Variants in MIAT observed in about 807,000 individuals in gnomAD.
The protein encoded by MIAT is myocardial infarction associated transcript, also known as MI related novel mRNA.
exon 5 of MIAT, chr22:26,675,419 T>C (rs148767977): frequency 8.8e-5 from 35 of 398,572 alleles, no homozygotes; most frequent in African/African-American, 6.8e-4. Context: ...AGGGAGTTAG[T>C]GGATTTGAGT....
exon 5 of MIAT, chr22:26,674,736 A>G (rs1931197327): frequency 5.0e-6 from 2 of 398,654 alleles, no homozygotes; most frequent in Admixed American, 8.8e-5. Context: ...CCTGCCTGCC[A>G]TCCTCTAGTG....
intron 2 of MIAT, among the ~76,000 whole-genome samples, chr22:26,649,882 C>T (rs944060571): frequency 6.6e-6 from 1 of 152,154 alleles, no homozygotes; most frequent in African/African-American, 2.4e-5. Flanking sequence ...CACTGCATTC[C>T]AGCCTGGCAA....
rs575098828 is a variant in MIAT, at chr22:26,668,971, T to C, written n.3076T>C. 7.5e-6 allele frequency: 3 copies of C among 398,664 alleles called. No individual in the cohort carries two copies. In the East Asian group the frequency reaches 1.1e-4, roughly 14 times the overall value. The allele number at this position is 398,664 out of a possible 1,614,324, so 24.7% of individuals were successfully genotyped here. On this transcript the variant is annotated non_coding_transcript_exon_variant, in exon 6 of 6. Coordinates refer to ENST00000643270, the Ensembl canonical transcript of MIAT. ...GAGACAGGTGGCCCTGGGTTTTTTT[T>C]CCTGCCATCCAAAGGGAACCAGTCT...
intron 2 of MIAT, among the ~76,000 whole-genome samples, chr22:26,652,495 T>C (rs1233787525): frequency 6.6e-6 from 1 of 152,074 alleles, no homozygotes; most frequent in Non-Finnish European, 1.5e-5. Flanking sequence ...GTAGCTGGGA[T>C]TACAGGCGCC....
intron 2 of MIAT, chr22:26,663,284 C>T: frequency 2.5e-6 from 1 of 398,620 alleles, no homozygotes; most frequent in Non-Finnish European, 4.4e-6. Flanking sequence ...TATTTATTCT[C>T]TCACTGCTGT....
chr22:26,661,917 C>CATATATATATATATATAT (rs58654108), intron 2 of MIAT, among the ~76,000 whole-genome samples: 4 of 80,596 alleles, frequency 5.0e-5, no homozygotes, highest in Admixed American at 1.6e-4. Flanking sequence ...TATATAGATC[C>CATATATATATATATATAT]ATATATATAT....
At chr22:26,673,914 T>C (rs899734043), downstream of MIAT, 3 of 398,562 alleles carry the variant, frequency 7.5e-6, no homozygotes, top group Non-Finnish European at 1.3e-5. Flanking sequence ...TCACTCCTCA[T>C]AGTCTGCATT....
At chr22:26,666,623 C>T (rs1930851594) in exon 4 of MIAT, 2 of 398,696 alleles carry the variant, frequency 5.0e-6, no homozygotes, top group African/African-American at 4.1e-5. Flanking sequence ...GGGTCACATT[C>T]TGCTGTTGTT....
At chr22:26,662,236 G>A (rs1930703555) in intron 2 of MIAT, among the ~76,000 whole-genome samples, 1 of 152,054 alleles carries the variant, frequency 6.6e-6, no homozygotes, top group South Asian at 2.1e-4. Flanking sequence ...GGATTATGGT[G>A]TGAGCCACTG....
At chr22:26,664,004 GCTTT>G (rs1413220180) in intron 3 of MIAT, among the ~76,000 whole-genome samples, 2 of 91,948 alleles carry the variant, frequency 2.2e-5, no homozygotes, top group African/African-American at 8.1e-5. Context: ...TCTGTGTTCA[GCTTT>G]TTTTTTTTTT....
intron 3 of MIAT, among the ~76,000 whole-genome samples, chr22:26,664,005 CTTTTT>C (rs202155948): frequency 1.5e-4 from 17 of 116,296 alleles, no homozygotes; most frequent in African/African-American, 5.0e-4. Flanking sequence ...CTGTGTTCAG[CTTTTT>C]TTTTTTTTTT....
chr22:26,675,642 G>C (rs1048026909), exon 5 of MIAT: 1 of 398,550 alleles, frequency 2.5e-6, no homozygotes, highest in African/African-American at 2.1e-5. Context: ...TGAAAATAAA[G>C]GCTCGGAAGG....
chr22:26,673,268 C>T (rs1346464190), downstream of MIAT: 1 of 398,830 alleles, frequency 2.5e-6, no homozygotes. Flanking sequence ...GCCCGCCAGC[C>T]GCTAAGCCGG....
At chr22:26,672,858 C>A, downstream of MIAT, 1 of 398,550 alleles carries the variant, frequency 2.5e-6, no homozygotes, top group Non-Finnish European at 4.4e-6. Context: ...AAACATTTCT[C>A]ATATTTGAAG....
chr22:26,648,372 G>A (rs994973277), intron 2 of MIAT, among the ~76,000 whole-genome samples: 3 of 152,134 alleles, frequency 2.0e-5, no homozygotes, highest in African/African-American at 7.2e-5. Context: ...GTAGGCAAGC[G>A]CACACGCTGG....
intron 2 of MIAT, among the ~76,000 whole-genome samples, chr22:26,649,780 G>T (rs1450372015): frequency 2.0e-5 from 3 of 152,214 alleles, no homozygotes; most frequent in East Asian, 3.9e-4. Context: ...GGGTGTGGTG[G>T]CATGCGCCTG....
chr22:26,666,114 C>A, exon 4 of MIAT: 1 of 398,662 alleles, frequency 2.5e-6, no homozygotes, highest in Non-Finnish European at 4.4e-6. Flanking sequence ...CTCGTGCCCC[C>A]ACTCCCGGGT....
chr22:26,655,880 C>T (rs185350168), intron 2 of MIAT, among the ~76,000 whole-genome samples: 108 of 152,296 alleles, frequency 7.1e-4, no homozygotes, highest in African/African-American at 2.3e-3. Context: ...AATAAGGTTT[C>T]GCTTTGTTGC....
intron 2 of MIAT, among the ~76,000 whole-genome samples, chr22:26,662,023 C>T (rs6005119): frequency 7.6e-5 from 11 of 144,818 alleles, no homozygotes; most frequent in East Asian, 6.3e-4. Context: ...GTGGAGCAAT[C>T]GCGGTTCACT....
Sources: gnomAD v4.1 joint callset for allele counts (sites outside exome capture counted in the v4.1 genomes callset) on GRCh38, gnomAD v4.1.1 for gene constraint, MANE v1.5 for transcripts, NCBI Gene and HGNC (gene_info 2026-07-23, HGNC 2026-07-21) for gene names.